The following SPIRE1 variants were observed in gnomAD, a reference collection of about 807,000 sequenced individuals.
SPIRE1 encodes protein spire homolog 1.
In SPIRE1, 40 loss-of-function variants were observed where a neutral mutation model predicts 94.1. The ratio of observed to expected loss-of-function variants is 0.43; its 90% CI spans 0.33 to 0.55. The LOEUF (loss-of-function observed/expected upper bound fraction) is 0.55, where lower values mean the gene tolerates loss of function less well. Ranked by LOEUF, SPIRE1 falls within the 20% of genes least tolerant of loss-of-function variation. The pLI, the probability that SPIRE1 is intolerant of heterozygous loss-of-function variation, is 0.06. For synonymous variants in SPIRE1, 376 were observed against 371.7 expected (o/e 1.01, Z -0.13); for missense variants, 838 against 975.2 (o/e 0.86, Z 1.87).
intron 2 of SPIRE1, among the ~76,000 whole-genome samples, chr18:12,622,374 G>C (rs1480741710): frequency 6.7e-6 from 1 of 149,896 alleles, no homozygotes; most frequent in Non-Finnish European, 1.5e-5. Flanking sequence ...AAAAATTTCA[G>C]ACAGAAATGT....
intron 2 of SPIRE1, among the ~76,000 whole-genome samples, chr18:12,623,370 G>A (rs562148909): frequency 2.1e-4 from 32 of 152,132 alleles, no homozygotes; most frequent in Middle Eastern, 3.4e-3. Context: ...AGCCAGGATG[G>A]TCTCAATCTC....
chr18:12,540,643 T>C (rs969894652), intron 3 of SPIRE1, among the ~76,000 whole-genome samples: 1 of 152,228 alleles, frequency 6.6e-6, no homozygotes, highest in African/African-American at 2.4e-5. Flanking sequence ...CTCAAAATGC[T>C]GGGATTACAG....
At chr18:12,652,678 C>G (rs1398866645) in intron 1 of SPIRE1, among the ~76,000 whole-genome samples, 1 of 152,034 alleles carries the variant, frequency 6.6e-6, no homozygotes, top group Non-Finnish European at 1.5e-5. Flanking sequence ...TAAATAAACT[C>G]ACTAATTCTT....
intron 2 of SPIRE1, among the ~76,000 whole-genome samples, chr18:12,613,247 T>C (rs12960150): frequency 0.56 from 85,067 of 152,028 alleles, 24,980 homozygotes; most frequent in Middle Eastern, 0.76. Flanking sequence ...CTTTCTTCAT[T>C]AGCAGGGTTA....
chr18:12,622,534 T>C (rs1022687879), intron 2 of SPIRE1, among the ~76,000 whole-genome samples: 3 of 150,856 alleles, frequency 2.0e-5, no homozygotes, highest in African/African-American at 2.4e-5. Flanking sequence ...GCCATTCTCC[T>C]GCCTCAGCCT....
chr18:12,524,963 G>A (rs1481814489), intron 4 of SPIRE1, among the ~76,000 whole-genome samples: 2 of 149,804 alleles, frequency 1.3e-5, no homozygotes, highest in African/African-American at 2.5e-5. Context: ...GAGTGAGACC[G>A]TGTCTCTCTA....
intron 6 of SPIRE1, among the ~76,000 whole-genome samples, chr18:12,502,877 ATGGG>A (rs2143951658): frequency 6.6e-6 from 1 of 152,120 alleles, no homozygotes; most frequent in East Asian, 1.9e-4. Flanking sequence ...GGAGGCTGAG[ATGGG>A]TGGATCACCT....
intron 2 of SPIRE1, among the ~76,000 whole-genome samples, chr18:12,615,345 A>AATATATATATATAT (rs71174107): frequency 5.2e-4 from 9 of 17,232 alleles, no homozygotes; most frequent in Non-Finnish European, 1.1e-3. Flanking sequence ...AAAAAAAAAA[A>AATATATATATATAT]ATATATATAT....
intron 5 of SPIRE1, among the ~76,000 whole-genome samples, chr18:12,511,300 C>T (rs1054491159): frequency 2.0e-5 from 3 of 152,292 alleles, no homozygotes; most frequent in South Asian, 2.1e-4. Context: ...GATGAGCAAG[C>T]GTTATGCCTG....
chr18:12,506,351 G>A, intron 6 of SPIRE1, 126 bp downstream of exon 6: 1 of 788,030 alleles, frequency 1.3e-6, no homozygotes, highest in Non-Finnish European at 2.1e-6. Flanking sequence ...TACAGACAGG[G>A]ATTCACCATG....
chr18:12,487,934 G>T, intron 8 of SPIRE1, among the ~76,000 whole-genome samples: 1 of 152,116 alleles, frequency 6.6e-6, no homozygotes, highest in East Asian at 1.9e-4. Context: ...CAGTACCTTT[G>T]CATCAAAGAG....
intron 4 of SPIRE1, among the ~76,000 whole-genome samples, chr18:12,527,724 A>G (rs943386393): frequency 6.6e-6 from 1 of 152,100 alleles, no homozygotes; most frequent in Non-Finnish European, 1.5e-5. Flanking sequence ...TGATAACTCC[A>G]TAATCGGCAT....
intron 1 of SPIRE1, among the ~76,000 whole-genome samples, chr18:12,636,548 A>G (rs974751338): frequency 6.6e-6 from 1 of 152,146 alleles, no homozygotes; most frequent in African/African-American, 2.4e-5. Flanking sequence ...AAATAAAAGA[A>G]GACAACCACA....
At chr18:12,489,021 T>TA (rs200631668) in intron 8 of SPIRE1, among the ~76,000 whole-genome samples, 19,009 of 151,488 alleles carry the variant, frequency 0.13, 1,348 homozygotes, top group African/African-American at 0.16. Flanking sequence ...CCGTCTCTAC[T>TA]AAAAAAAATA....
chr18:12,551,697 G>A (rs1365714932), intron 2 of SPIRE1, among the ~76,000 whole-genome samples: 17 of 150,742 alleles, frequency 1.1e-4, no homozygotes, highest in Non-Finnish European at 1.8e-4. Flanking sequence ...GCGAGACTCC[G>A]TCTCAGAAAA....
At chr18:12,609,372 A>G (rs1041032433) in intron 2 of SPIRE1, among the ~76,000 whole-genome samples, 2 of 152,208 alleles carry the variant, frequency 1.3e-5, no homozygotes, top group African/African-American at 4.8e-5. Flanking sequence ...TGGTTGATGA[A>G]ACCTCTGATA....
intron 2 of SPIRE1, among the ~76,000 whole-genome samples, chr18:12,553,012 T>G (rs963418630): frequency 2.0e-5 from 3 of 152,148 alleles, no homozygotes; most frequent in African/African-American, 7.2e-5. Context: ...GGAACCAGTC[T>G]TGGCAGGATT....
At chr18:12,500,791 C>T (rs2033628448) in intron 6 of SPIRE1, among the ~76,000 whole-genome samples, 1 of 151,954 alleles carries the variant, frequency 6.6e-6, no homozygotes, top group Non-Finnish European at 1.5e-5. Context: ...TAAAGTAGCT[C>T]GCTGGACACA....
intron 2 of SPIRE1, among the ~76,000 whole-genome samples, chr18:12,622,663 C>T (rs964286658): frequency 2.0e-5 from 3 of 151,816 alleles, no homozygotes; most frequent in African/African-American, 7.2e-5. Context: ...ACCTCGTGAT[C>T]CGCCCGCCTC....
Sources: gnomAD v4.1 joint callset for allele counts (sites outside exome capture counted in the v4.1 genomes callset) on GRCh38, gnomAD v4.1.1 for gene constraint, MANE v1.5 for transcripts, NCBI Gene and HGNC (gene_info 2026-07-23, HGNC 2026-07-21) for gene names.